ASH1L: variants seen among roughly 807,000 people sequenced by gnomAD.
ASH1L encodes the protein ASH1 like histone lysine methyltransferase, also known as histone-lysine N-methyltransferase ASH1L.
Under a neutral mutation model 269.0 loss-of-function variants are expected in ASH1L, and 23 were observed. The observed-to-expected ratio is 0.09, with a 90% CI of 0.06 to 0.12. The LOEUF (loss-of-function observed/expected upper bound fraction) is 0.12. Ranked by LOEUF, ASH1L falls within the 10% of genes least tolerant of loss-of-function variation. The probability of loss-of-function intolerance (pLI) is 1.00; values close to 1 mark genes in which losing one functional copy is unlikely to be tolerated. For missense variants in ASH1L, 2,912 were observed against 3,567.8 expected (o/e 0.82, Z 4.68); for synonymous variants, 1,187 against 1,253.5 (o/e 0.95, Z 1.12).
intron 1 of ASH1L, among the ~76,000 whole-genome samples, chr1:155,527,133 G>A (rs572296072): frequency 3.9e-5 from 6 of 152,100 alleles, no homozygotes; most frequent in East Asian, 1.9e-4. Flanking sequence ...GCTTGAACCC[G>A]GGAGGCAGAG....
chr1:155,393,987 T>C (rs1658157467), intron 7 of ASH1L, among the ~76,000 whole-genome samples: 1 of 152,142 alleles, frequency 6.6e-6, no homozygotes, highest in Admixed American at 6.6e-5. Flanking sequence ...AGGAGCCAAA[T>C]AAATATTGTA....
chr1:155,536,277 G>A (rs1234216579), intron 1 of ASH1L, among the ~76,000 whole-genome samples: 1 of 152,174 alleles, frequency 6.6e-6, no homozygotes, highest in Admixed American at 6.6e-5. Flanking sequence ...CAGACTGAGA[G>A]GGCATGCAGG....
At position 155,521,568 on chromosome 1, in the gene ASH1L, T is replaced by C. The variant is rs759872752; in HGVS notation, c.-49A>G. The stretch of plus-strand genomic sequence containing the variant: ...GAATCTTATGAAAATTTTACAGAAC[T>C]GTGTTCCATAAAAAACAAGGATCTC... On this transcript the variant is annotated 5_prime_UTR_variant, in exon 2 of 28. Coordinates refer to ENST00000392403, the MANE Select transcript of ASH1L (RefSeq NM_018489.3). 6.6e-7 allele frequency: 1 copy of C among 1,518,302 alleles called. No individual in the cohort carries two copies. The highest frequency in any genetic ancestry group is 2.1e-5 in the Admixed American group (1 of 46,622). The allele number at this position is 1,518,302 out of a possible 1,614,324, so 94.1% of individuals were successfully genotyped here.
Position 155,433,531 on chromosome 1 carries a change from C to G in ASH1L, c.5828+4796G>C, listed in dbSNP as rs181779936. 1.7e-3 allele frequency: 2,776 copies of G among 1,608,604 alleles called. 44 individuals carry two copies. The highest frequency in any genetic ancestry group is 9.2e-3 in the East Asian group (411 of 44,670). On this transcript the variant is annotated intron_variant, in intron 5 of 27. Coordinates refer to ENST00000392403, the MANE Select transcript of ASH1L (RefSeq NM_018489.3). The stretch of plus-strand genomic sequence containing the variant: ...GCACCTCCCTGGAGCCCTGCACCGT[C>G]CCCCCTGGTGCCGTGAAACTGGAGA...
intron 5 of ASH1L, chr1:155,433,859 T>C (rs768629049): frequency 1.4e-4 from 219 of 1,605,510 alleles, no homozygotes; most frequent in Non-Finnish European, 1.8e-4. Context: ...AGAAACCCTC[T>C]TGCAGGCTCG....
At chr1:155,357,200 C>A (rs1654495218) in intron 15 of ASH1L, 116 bp downstream of exon 15, 3 of 663,994 alleles carry the variant, frequency 4.5e-6, no homozygotes. Context: ...TCCCCTGAAC[C>A]CTTTGGCTTA....
intron 1 of ASH1L, among the ~76,000 whole-genome samples, chr1:155,547,510 G>A (rs1237785485): frequency 2.0e-5 from 3 of 151,914 alleles, no homozygotes; most frequent in Admixed American, 6.6e-5. Flanking sequence ...GATCACCTGA[G>A]GTCAGGAGTT....
At chr1:155,420,032 T>C (rs192275738) in intron 5 of ASH1L, among the ~76,000 whole-genome samples, 1 of 152,152 alleles carries the variant, frequency 6.6e-6, no homozygotes, top group African/African-American at 2.4e-5. Flanking sequence ...AACAGTAGAA[T>C]AGTAGCCAGG....
chr1:155,500,238 T>C (rs1301336486), intron 2 of ASH1L, among the ~76,000 whole-genome samples: 1 of 152,196 alleles, frequency 6.6e-6, no homozygotes, highest in Admixed American at 6.5e-5. Flanking sequence ...TAGCTGTCTA[T>C]TTTGTGTATG....
rs556933060 is a variant in ASH1L, at chr1:155,458,486, C to T, written c.5086+1311G>A. Among the ~76,000 whole-genome samples the T allele has an allele frequency of 1.2e-4, 18 of 152,192 alleles. No individual in the cohort carries two copies. In the East Asian group the frequency reaches 2.7e-3, roughly 23 times the overall value. On this transcript the variant is annotated intron_variant, in intron 4 of 27. Transcript: ENST00000392403. Reference sequence around the variant, plus strand: ...TCCCAGCACTTTTGGAGGCTGAGGCCGGCAGATCATCTGAGGTCAGGAGTT... The same window carrying T: ...TCCCAGCACTTTTGGAGGCTGAGGCTGGCAGATCATCTGAGGTCAGGAGTT...
At chr1:155,396,650 T>C (rs1180600199) in intron 6 of ASH1L, among the ~76,000 whole-genome samples, 1 of 151,946 alleles carries the variant, frequency 6.6e-6, no homozygotes, top group African/African-American at 2.4e-5. Flanking sequence ...TATATTTATT[T>C]CCTTTAACGA....
Position 155,357,766 on chromosome 1 carries a change from TA to T in ASH1L, c.6796-18del, listed in dbSNP as rs1654544037. ...ACAAAGTTGCTTTGAAGGGAGAGAA[TA>T]ATTTTTTTATTTTTATTTTTTTAAG... On this transcript the variant is annotated intron_variant, in intron 13 of 27. Transcript: ENST00000392403. 1.9e-6 allele frequency: 3 copies of T among 1,594,358 alleles called. No homozygotes were observed. The East Asian group carries it at 6.7e-5, about 36-fold the overall frequency.
chr1:155,423,239 A>G (rs111495834), intron 5 of ASH1L, among the ~76,000 whole-genome samples: 7,909 of 145,416 alleles, frequency 0.054, 696 homozygotes, highest in African/African-American at 0.19. Context: ...GTGAGCCACC[A>G]CGCCTGGACA....
chr1:155,356,822 C>T (rs1208645212), intron 15 of ASH1L, among the ~76,000 whole-genome samples: 1 of 151,648 alleles, frequency 6.6e-6, no homozygotes, highest in African/African-American at 2.4e-5. Flanking sequence ...GGTGTGCTGG[C>T]TCGTATCTGT....
At chr1:155,363,749 G>T (rs1353848557) in intron 12 of ASH1L, among the ~76,000 whole-genome samples, 2 of 151,704 alleles carry the variant, frequency 1.3e-5, no homozygotes, top group African/African-American at 2.4e-5. Context: ...TAGGTGGGCA[G>T]ATCACTTGAG....
intron 1 of ASH1L, among the ~76,000 whole-genome samples, chr1:155,534,982 G>A (rs868675013): frequency 6.6e-6 from 1 of 152,228 alleles, no homozygotes; most frequent in Middle Eastern, 3.4e-3. Flanking sequence ...CTGAGGTCAG[G>A]AGCAAGACCA....
At chr1:155,457,710 T>C (rs1205967685) in intron 4 of ASH1L, among the ~76,000 whole-genome samples, 1 of 152,224 alleles carries the variant, frequency 6.6e-6, no homozygotes, top group Admixed American at 6.5e-5. Flanking sequence ...CGTATTTGTA[T>C]TCCCAGTGCT....
intron 2 of ASH1L, 104 bp from the exon 3 acceptor site, chr1:155,482,553 A>ATAGGCAAC: frequency 8.1e-7 from 1 of 1,230,596 alleles, no homozygotes; most frequent in South Asian, 1.5e-5. Context: ...CAGATAAACA[A>ATAGGCAAC]TAGGCAACAG....
intron 3 of ASH1L, among the ~76,000 whole-genome samples, chr1:155,463,728 G>C (rs746357481): frequency 5.9e-5 from 9 of 152,148 alleles, no homozygotes; most frequent in Non-Finnish European, 1.3e-4. Flanking sequence ...CCAGGAGGTA[G>C]AGGCTTCAGC....
Sources: allele counts gnomAD v4.1 joint callset (sites outside exome capture counted in the v4.1 genomes callset), GRCh38; gene constraint gnomAD v4.1.1; transcripts MANE v1.5; gene names NCBI Gene and HGNC (gene_info 2026-07-23, HGNC 2026-07-21).